Variants in GARNL3 observed in about 807,000 individuals in gnomAD.
GARNL3 encodes GTPase-activating Rap/Ran-GAP domain-like protein 3.
A neutral mutation model predicts 125.0 loss-of-function variants in GARNL3; 63 were observed. The ratio of observed to expected loss-of-function variants is 0.50; its 90% CI spans 0.41 to 0.62. The LOEUF (loss-of-function observed/expected upper bound fraction) is 0.62, where lower values mean the gene tolerates loss of function less well. GARNL3 is among the 20% of genes least tolerant of loss of function. The probability of loss-of-function intolerance (pLI) is 0.00; values close to 1 mark genes in which losing one functional copy is unlikely to be tolerated. For synonymous variants in GARNL3, 439 were observed against 457.5 expected (o/e 0.96, Z 0.52); for missense variants, 994 against 1,244.0 (o/e 0.80, Z 3.02).
rs147084313 is a variant in GARNL3, at chr9:127,268,509, T to C, written c.144+3488T>C. ...CAGTTGCCTCTCTCCAGCTCATTTTTCCCAGCAGCCAGAGTGGTGTTTTCT... is the reference window on the plus strand; with the variant it reads ...CAGTTGCCTCTCTCCAGCTCATTTTCCCCAGCAGCCAGAGTGGTGTTTTCT... On this transcript the variant is annotated intron_variant, in intron 1 of 27. Transcript: ENST00000373387. Among the ~76,000 whole-genome samples, 15 of 152,362 alleles carry C rather than the reference T, an allele frequency of 9.8e-5. No individual in the cohort carries two copies. The South Asian group carries it at 2.7e-3, about 27-fold the overall frequency.
chr9:127,367,154 A>G (rs1281172910), intron 22 of GARNL3: 1 of 152,190 alleles, frequency 6.6e-6, no homozygotes, highest in Non-Finnish European at 1.5e-5. Flanking sequence ...GGTGAACAAC[A>G]CCAATAAAAC....
chr9:127,326,291 C>T (rs1015509840), intron 7 of GARNL3, among the ~76,000 whole-genome samples: 1 of 152,180 alleles, frequency 6.6e-6, no homozygotes, highest in African/African-American at 2.4e-5. Context: ...AGACTATAAG[C>T]ACCATGAGAA....
rs1251682511 is a variant in GARNL3 at position 127,385,612 on chromosome 9, G to A, written c.2388+467G>A. 2.0e-5 allele frequency among the ~76,000 whole-genome samples: 3 copies of A among 152,152 alleles called. No individual in the cohort carries two copies. Among genetic ancestry groups the A allele is most frequent in the African/African-American group, 7.2e-5 (3 of 41,428 alleles). Reference sequence around the variant, plus strand: ...GCTAGGGCAAAACGGAGGGATGCAGGAACAAAGATGCCTTCCAAGATGTCT... The same window carrying A: ...GCTAGGGCAAAACGGAGGGATGCAGAAACAAAGATGCCTTCCAAGATGTCT... On this transcript the variant is annotated intron_variant, in intron 24 of 27. Coordinates refer to ENST00000373387, the MANE Select transcript of GARNL3 (RefSeq NM_032293.5). The surrounding 1 kb of genome is among the most constrained non-coding windows in gnomAD (Gnocchi z 4.1).
intron 21 of GARNL3, among the ~76,000 whole-genome samples, chr9:127,359,524 C>T (rs1316807771): frequency 1.3e-5 from 2 of 151,956 alleles, no homozygotes; most frequent in African/African-American, 4.8e-5. Context: ...CTTCTTCCTT[C>T]TCAAAACTGT....
rs1832442257 is a variant in GARNL3, at chr9:127,384,565, G to A, written c.2270-462G>A. 6.6e-6 allele frequency among the ~76,000 whole-genome samples: 1 copy of A among 152,116 alleles called. No individual in the cohort carries two copies. Among genetic ancestry groups the A allele is most frequent in the African/African-American group, 2.4e-5 (1 of 41,356 alleles). ...GATGCAGCCCCGGCTCAGACGTGCA[G>A]CTGGAGGAGCACATGGGAGGAGCGA... is the stretch of plus-strand genomic sequence containing the variant. On this transcript the variant is annotated intron_variant, in intron 23 of 27. Coordinates refer to ENST00000373387, the MANE Select transcript of GARNL3 (RefSeq NM_032293.5). This position sits in a 1 kb window ranked among gnomAD's most constrained non-coding sequence, Gnocchi z 4.0.
At chr9:127,312,316 C>G (rs7048304) in intron 3 of GARNL3, among the ~76,000 whole-genome samples, 3,303 of 152,230 alleles carry the variant, frequency 0.022, 115 homozygotes, top group African/African-American at 0.075. Flanking sequence ...ATCAAAGGAC[C>G]TTACACTAGC....
chr9:127,241,844 T>C (rs972266086), intron 1 of GARNL3, among the ~76,000 whole-genome samples: 7 of 152,196 alleles, frequency 4.6e-5, no homozygotes, highest in African/African-American at 1.7e-4. Context: ...CTCGGCTCAC[T>C]GCAACCTCTA....
chr9:127,349,202 A>G (rs949964967), intron 17 of GARNL3, among the ~76,000 whole-genome samples, 167 bp downstream of exon 17: 8 of 152,136 alleles, frequency 5.3e-5, no homozygotes, highest in African/African-American at 1.7e-4. Flanking sequence ...CAGGGCAAGC[A>G]GAGGAAATAT....
chr9:127,296,581 C>T (rs1300357304), intron 2 of GARNL3, among the ~76,000 whole-genome samples: 1 of 149,982 alleles, frequency 6.7e-6, no homozygotes, highest in Non-Finnish European at 1.5e-5. Flanking sequence ...AAACAATTCT[C>T]CTGCCTCAGC....
intron 1 of GARNL3, among the ~76,000 whole-genome samples, chr9:127,284,239 C>T (rs745793756): frequency 2.4e-4 from 36 of 152,224 alleles, no homozygotes; most frequent in Admixed American, 4.6e-4. Flanking sequence ...AAATATTTTT[C>T]ATTGTGTATG....
At chr9:127,250,754 C>A (rs938290870) in intron 2 of GARNL3, among the ~76,000 whole-genome samples, 1 of 152,126 alleles carries the variant, frequency 6.6e-6, no homozygotes, top group African/African-American at 2.4e-5. Context: ...CAAGGTGACA[C>A]AGAGTTAAGG....
At chr9:127,324,175 C>T (rs1338221707) in intron 6 of GARNL3, among the ~76,000 whole-genome samples, 1 of 152,150 alleles carries the variant, frequency 6.6e-6, no homozygotes, top group Non-Finnish European at 1.5e-5. Context: ...TGCTTGAGCT[C>T]ATGAGGTCGA....
intron 1 of GARNL3, among the ~76,000 whole-genome samples, chr9:127,241,051 C>T (rs1434616666): frequency 6.6e-6 from 1 of 152,230 alleles, no homozygotes; most frequent in Non-Finnish European, 1.5e-5. Flanking sequence ...TAACACACTT[C>T]ACTTGGGATG....
chr9:127,332,256 T>G lies in GARNL3; in HGVS notation c.595-18T>G, dbSNP rs375420810. The G allele has an allele frequency of 2.5e-6, 4 of 1,597,024 alleles. No homozygotes were observed. The African/African-American group carries it at 4.0e-5, about 16-fold the overall frequency. ...TGATGATAAAATTAACTGTAACACC[T>G]TTTGTTATTATCCTAAGGGCTCTGT... On this transcript the variant is annotated intron_variant, in intron 7 of 27. Transcript: ENST00000373387.
chr9:127,277,866 C>G (rs565656177), intron 1 of GARNL3, among the ~76,000 whole-genome samples: 3 of 152,278 alleles, frequency 2.0e-5, no homozygotes, highest in Admixed American at 6.5e-5. Context: ...TTGCATTTCT[C>G]TATGGTACCT....
intron 6 of GARNL3, among the ~76,000 whole-genome samples, chr9:127,322,520 C>A (rs2065435315): frequency 6.6e-6 from 1 of 152,130 alleles, no homozygotes; most frequent in African/African-American, 2.4e-5. Flanking sequence ...TGGCTTTTTT[C>A]CCCTTAACAA....
chr9:127,336,937 A>G (rs992688748), intron 11 of GARNL3, among the ~76,000 whole-genome samples: 1 of 152,186 alleles, frequency 6.6e-6, no homozygotes, highest in Non-Finnish European at 1.5e-5. Context: ...ACAAATCAGC[A>G]TTTTCAGAAT....
At position 127,336,067 on chromosome 9, in the gene GARNL3, A is replaced by G. The variant is rs538423490; in HGVS notation, c.874-61A>G. ...TGTTATATTGGGTTATGTTTTTTTAACTCTGTGAATGTGCCATGTTTGAGA... is the reference window on the plus strand; with the variant it reads ...TGTTATATTGGGTTATGTTTTTTTAGCTCTGTGAATGTGCCATGTTTGAGA... On this transcript the variant is annotated intron_variant, in intron 10 of 27. Coordinates refer to ENST00000373387, the MANE Select transcript of GARNL3 (RefSeq NM_032293.5). 15 of 1,221,062 alleles carry G rather than the reference A, an allele frequency of 1.2e-5. No individual in the cohort carries two copies. In the East Asian group the frequency reaches 2.4e-4, roughly 19 times the overall value. The allele number at this position is 1,221,062 out of a possible 1,614,324, so 75.6% of individuals were successfully genotyped here. A position where few individuals can be genotyped will look rare whatever the true frequency, so the allele number is the denominator to read the frequency against.
Position 127,338,177 on chromosome 9 carries a change from G to T in GARNL3, c.1028+16G>T, listed in dbSNP as rs201827347. The stretch of plus-strand genomic sequence containing the variant: ...ACAATTACAGGTAGGTAATGACTTT[G>T]TCTCGATTGCTTGTCCTAATTCTCA... On this transcript the variant is annotated intron_variant, in intron 12 of 27. Transcript: ENST00000373387. 28 of 1,585,912 alleles carry T rather than the reference G, an allele frequency of 1.8e-5. No individual in the cohort carries two copies. The highest frequency in any genetic ancestry group is 2.3e-5 in the Non-Finnish European group (26 of 1,154,566).
Sources: gnomAD v4.1 joint callset for allele counts (sites outside exome capture counted in the v4.1 genomes callset) on GRCh38, gnomAD v4.1.1 for gene constraint, Gnocchi (gnomAD v3.1) non-coding constraint, MANE v1.5 for transcripts, NCBI Gene and HGNC (gene_info 2026-07-23, HGNC 2026-07-21) for gene names.